Variants in EXTL3 observed in about 807,000 individuals in gnomAD.
The protein encoded by EXTL3 is exostosin like glycosyltransferase 3, also known as exostosin-like 3.
A neutral mutation model predicts 69.3 loss-of-function variants in EXTL3; 27 were observed. The observed-to-expected ratio is 0.39, with a 90% CI of 0.29 to 0.54. EXTL3 has a LOEUF of 0.54. Ranked by LOEUF, EXTL3 falls within the 20% of genes least tolerant of loss-of-function variation. The probability of loss-of-function intolerance (pLI) is 0.69; values close to 1 mark genes in which losing one functional copy is unlikely to be tolerated. For synonymous variants in EXTL3, 511 were observed against 499.4 expected (o/e 1.02, Z -0.31); for missense variants, 1,003 against 1,231.8 (o/e 0.81, Z 2.78).
chr8:28,692,885 C>T lies in EXTL3; in HGVS notation c.-52-20572C>T, dbSNP rs187788924. Reference sequence around the variant, plus strand: ...ATCAACACTCTGCCTAATTTTACTTCTTTCCTCTGGGTATAGCTCTCCCTG... The same window carrying T: ...ATCAACACTCTGCCTAATTTTACTTTTTTCCTCTGGGTATAGCTCTCCCTG... On this transcript the variant is annotated intron_variant, in intron 1 of 6. Coordinates refer to the EXTL3 transcript ENST00000523149. Among the ~76,000 whole-genome samples, 42 of 152,300 alleles carry T rather than the reference C, an allele frequency of 2.8e-4. No homozygotes were observed. In the East Asian group the frequency reaches 7.9e-3, roughly 29 times the overall value.
chr8:28,750,562 TCAC>T lies in EXTL3; in HGVS notation c.2551-92_2551-90del. 1 of 1,055,764 alleles carries T rather than the reference TCAC, an allele frequency of 9.5e-7. No individual in the cohort carries two copies. The highest frequency in any genetic ancestry group is 1.5e-6 in the Non-Finnish European group (1 of 685,678). 65.4% of individuals were successfully genotyped at this position (1,055,764 alleles called of 1,614,324 possible). On this transcript the variant is annotated intron_variant, in intron 6 of 6. Coordinates refer to ENST00000220562, the MANE Select transcript of EXTL3 (RefSeq NM_001440.4). This position sits in a 1 kb window ranked among gnomAD's most constrained non-coding sequence, Gnocchi z 5.2. ...GTTGCCCCTGAGGGGATCAGCGTCT[TCAC>T]CATGGACATGGGAGTGTGGGATCGG...
chr8:28,723,645 T>TTG (rs1356721001), intron 3 of EXTL3, among the ~76,000 whole-genome samples: 3 of 150,294 alleles, frequency 2.0e-5, no homozygotes, highest in Admixed American at 1.3e-4. Flanking sequence ...GGACTGTTTT[T>TTG]TTTTTTTTTT....
chr8:28,622,267 C>T (rs1022575468), upstream of EXTL3, among the ~76,000 whole-genome samples: 1 of 152,264 alleles, frequency 6.6e-6, no homozygotes, highest in Non-Finnish European at 1.5e-5. Context: ...GCACTCTAAG[C>T]ATCCGGCTCA....
In EXTL3 at chr8:28,716,570, C is replaced by A; in HGVS notation, c.511C>A (p.Pro171Thr). The stretch of plus-strand genomic sequence containing the variant: ...GAAGGACGATGCCGGCCTCCCTCCC[C>A]CGAAGGCCACTCGGGGCTGCCGGCT... The part of the protein sequence containing the change: ...PEKDDAGLPP[P>T]KATRGCRLHN... Residue 171 changes from proline (P) to threonine (T), a missense_variant, in exon 3 of 7, where the codon CCG becomes ACG. Transcript: ENST00000220562. This position sits in a 1 kb window ranked among gnomAD's most constrained non-coding sequence, Gnocchi z 7.1. The A allele has an allele frequency of 1.2e-6, 2 of 1,614,226 alleles. No homozygotes were observed. Among genetic ancestry groups the A allele is most frequent in the Non-Finnish European group, 1.7e-6 (2 of 1,180,032 alleles).
At position 28,715,896 on chromosome 8, in the gene EXTL3, C is replaced by G. The variant is rs969241182; in HGVS notation, c.-164C>G. On this transcript the variant is annotated 5_prime_UTR_variant, in exon 3 of 7. Transcript: ENST00000220562. ...ATAGGGTCAGAGACCATTTCAGCTG[C>G]AGCTGAGGAAAATGAAATGTTCATT... is the stretch of plus-strand genomic sequence containing the variant. The G allele has an allele frequency of 3.2e-6, 2 of 626,322 alleles. No individual in the cohort carries two copies. Among genetic ancestry groups the G allele is most frequent in the Admixed American group, 5.7e-5 (2 of 34,784 alleles). The allele number at this position is 626,322 out of a possible 1,614,324, so 38.8% of individuals were successfully genotyped here.
At chr8:28,730,294 A>C (rs1261012237) in intron 3 of EXTL3, 1 of 152,206 alleles carries the variant, frequency 6.6e-6, no homozygotes, top group African/African-American at 2.4e-5. Context: ...TAAAAAGATT[A>C]TTCTTCATGA....
chr8:28,633,885 C>G (rs983148798), intron 1 of EXTL3, among the ~76,000 whole-genome samples: 1 of 152,142 alleles, frequency 6.6e-6, no homozygotes, highest in African/African-American at 2.4e-5. Flanking sequence ...TGATTTAGAA[C>G]AAGACCTCCA....
intron 1 of EXTL3, among the ~76,000 whole-genome samples, chr8:28,674,287 G>A (rs982748051): frequency 6.6e-6 from 1 of 151,968 alleles, no homozygotes; most frequent in Non-Finnish European, 1.5e-5. Context: ...GGCCCAGGCT[G>A]TTCTCAAACT....
At chr8:28,712,059 T>C (rs1203219996) in intron 1 of EXTL3, among the ~76,000 whole-genome samples, 2 of 151,870 alleles carry the variant, frequency 1.3e-5, no homozygotes, top group African/African-American at 4.8e-5. Context: ...TTACAAGATA[T>C]TAGGAAGTAA....
At chr8:28,691,572 ATT>A (rs71222571) in intron 1 of EXTL3, among the ~76,000 whole-genome samples, 1 of 135,488 alleles carries the variant, frequency 7.4e-6, no homozygotes. Context: ...AGTTTTTGTG[ATT>A]TTTTTTTTTT....
At chr8:28,713,394 G>C (rs955104556) in intron 1 of EXTL3, 63 bp from the exon 2 acceptor site, 1 of 647,724 alleles carries the variant, frequency 1.5e-6, no homozygotes, top group Non-Finnish European at 2.7e-6. Context: ...TTTCAGTATT[G>C]AGTATTTTTC....
At chr8:28,655,494 T>C (rs1461858484) in intron 1 of EXTL3, among the ~76,000 whole-genome samples, 2 of 150,400 alleles carry the variant, frequency 1.3e-5, no homozygotes, top group African/African-American at 4.9e-5. Context: ...TCTTCCTTTT[T>C]TTTTTTTTTT....
At chr8:28,618,955 G>A (rs1022851535), upstream of EXTL3, among the ~76,000 whole-genome samples, 4 of 151,516 alleles carry the variant, frequency 2.6e-5, no homozygotes, top group African/African-American at 9.7e-5. Flanking sequence ...AGCCGGGCGT[G>A]GCAGCACGTG....
intron 1 of EXTL3, among the ~76,000 whole-genome samples, chr8:28,673,849 G>T (rs987854938): frequency 6.6e-6 from 1 of 152,066 alleles, no homozygotes. Context: ...TAGAGGAGCA[G>T]AATTTTAAGG....
chr8:28,630,376 C>T (rs960292289), intron 1 of EXTL3, among the ~76,000 whole-genome samples: 2 of 152,086 alleles, frequency 1.3e-5, no homozygotes, highest in African/African-American at 2.4e-5. Context: ...TACCCAGTCT[C>T]GGGTATGTCT....
intron 1 of EXTL3, among the ~76,000 whole-genome samples, chr8:28,679,163 C>A (rs1444010378): frequency 1.3e-5 from 2 of 152,300 alleles, no homozygotes; most frequent in Non-Finnish European, 2.9e-5. Flanking sequence ...AATGTCCAGT[C>A]TAGGCCAGGC....
At chr8:28,742,766 A>C in intron 5 of EXTL3, 1 of 336,714 alleles carries the variant, frequency 3.0e-6, no homozygotes, top group Non-Finnish European at 5.7e-6. Context: ...TAGAGATAAA[A>C]TAGTGTTCAA....
At chr8:28,689,922 G>A (rs912401678) in intron 1 of EXTL3, among the ~76,000 whole-genome samples, 6 of 152,162 alleles carry the variant, frequency 3.9e-5, no homozygotes, top group African/African-American at 1.4e-4. Flanking sequence ...GAAGAAAAAA[G>A]TCAGAGTATG....
In EXTL3 at chr8:28,636,160, G is replaced by A. The variant is rs1263356144; in HGVS notation, c.-53+13350G>A. On this transcript the variant is annotated intron_variant, in intron 1 of 6. Transcript: ENST00000523149. ...ACCCTGGGCAACACGGTGAAACCCTGTCTCTACTAAAATACAAAAAAATTA... is the reference window on the plus strand; with the variant it reads ...ACCCTGGGCAACACGGTGAAACCCTATCTCTACTAAAATACAAAAAAATTA... Among the ~76,000 whole-genome samples, 9 of 152,074 alleles carry A rather than the reference G, an allele frequency of 5.9e-5. 1 individual carries two copies. In the Middle Eastern group the frequency reaches 0.014, roughly 230 times the overall value.
Sources: allele counts gnomAD v4.1 joint callset (sites outside exome capture counted in the v4.1 genomes callset), GRCh38; gene constraint gnomAD v4.1.1; non-coding constraint Gnocchi (gnomAD v3.1); transcripts MANE v1.5; gene names NCBI Gene and HGNC (gene_info 2026-07-23, HGNC 2026-07-21).